The following STEAP1B variants were observed in gnomAD, a reference collection of about 807,000 sequenced individuals.
STEAP1B encodes the protein STEAP family member 1B, also known as STEAP family protein MGC87042.
Under a neutral mutation model 27.9 loss-of-function variants are expected in STEAP1B, and 13 were observed. The ratio of observed to expected loss-of-function variants is 0.47; its 90% CI spans 0.30 to 0.74. The LOEUF is 0.74. Ranked by LOEUF, STEAP1B falls within the 30% of genes least tolerant of loss-of-function variation. STEAP1B has a pLI of 0.06. For missense variants in STEAP1B, 250 were observed against 298.7 expected (o/e 0.84, Z 1.20); for synonymous variants, 86 against 107.1 (o/e 0.80, Z 1.22).
At chr7:22,428,809 A>C (rs112055327) in intron 4 of STEAP1B, among the ~76,000 whole-genome samples, 7,081 of 152,202 alleles carry the variant, frequency 0.047, 250 homozygotes, top group East Asian at 0.18. Context: ...TATATGAAAA[A>C]TAAATAAAAT....
intron 4 of STEAP1B, among the ~76,000 whole-genome samples, chr7:22,468,413 A>G (rs1030095997): frequency 2.0e-5 from 3 of 152,188 alleles, no homozygotes; most frequent in African/African-American, 7.2e-5. Flanking sequence ...ACAAAAATGC[A>G]GAGCCACCGG....
intron 4 of STEAP1B, among the ~76,000 whole-genome samples, chr7:22,490,123 G>A (rs13307003): frequency 2.0e-5 from 3 of 151,658 alleles, no homozygotes; most frequent in Non-Finnish European, 2.9e-5. Flanking sequence ...GATCTTTTTC[G>A]ATTTATCTTT....
chr7:22,449,794 T>G (rs1785459053), intron 4 of STEAP1B, among the ~76,000 whole-genome samples: 1 of 152,230 alleles, frequency 6.6e-6, no homozygotes, highest in South Asian at 2.1e-4. Context: ...TCTCCGTATC[T>G]TTGCCAGCAT....
At chr7:22,424,512 G>A (rs1476193223) in intron 4 of STEAP1B, among the ~76,000 whole-genome samples, 1 of 152,124 alleles carries the variant, frequency 6.6e-6, no homozygotes, top group African/African-American at 2.4e-5. Flanking sequence ...ATACTCATCT[G>A]GGCATGGTGG....
chr7:22,426,931 T>C (rs1180954894), intron 4 of STEAP1B, among the ~76,000 whole-genome samples: 2 of 152,162 alleles, frequency 1.3e-5, no homozygotes, highest in East Asian at 3.9e-4. Flanking sequence ...AAGGAAGGAC[T>C]GCTGGATAAT....
At chr7:22,462,147 G>T (rs1412880647) in intron 4 of STEAP1B, among the ~76,000 whole-genome samples, 1 of 152,044 alleles carries the variant, frequency 6.6e-6, no homozygotes, top group Non-Finnish European at 1.5e-5. Context: ...GTTTTGATGG[G>T]TTTTTACTCT....
At chr7:22,461,741 G>C (rs1785682033) in intron 4 of STEAP1B, among the ~76,000 whole-genome samples, 1 of 152,240 alleles carries the variant, frequency 6.6e-6, no homozygotes, top group Non-Finnish European at 1.5e-5. Flanking sequence ...GCGGTAGTTT[G>C]ATTCTCTTCA....
chr7:22,435,525 C>T (rs1383258627), intron 4 of STEAP1B, among the ~76,000 whole-genome samples: 2 of 152,108 alleles, frequency 1.3e-5, no homozygotes, highest in Non-Finnish European at 2.9e-5. Flanking sequence ...TTTTTCTGAA[C>T]ATTTTCTGTA....
chr7:22,428,883 C>T (rs1785143489), intron 4 of STEAP1B, among the ~76,000 whole-genome samples: 2 of 152,122 alleles, frequency 1.3e-5, no homozygotes, highest in African/African-American at 4.8e-5. Flanking sequence ...TAATTTACCT[C>T]AATTAAAGGT....
chr7:22,427,301 T>C (rs967356484), intron 4 of STEAP1B, among the ~76,000 whole-genome samples: 1 of 152,114 alleles, frequency 6.6e-6, no homozygotes. Context: ...CAAGAGGCAA[T>C]GATTTATGAC....
chr7:22,452,608 G>A (rs1562572122), intron 4 of STEAP1B, among the ~76,000 whole-genome samples: 4 of 152,166 alleles, frequency 2.6e-5, no homozygotes, highest in African/African-American at 9.7e-5. Flanking sequence ...GGATTACAGA[G>A]AAAGGATAAA....
intron 4 of STEAP1B, among the ~76,000 whole-genome samples, chr7:22,454,325 T>C (rs1785535905): frequency 1.3e-5 from 2 of 152,300 alleles, no homozygotes; most frequent in South Asian, 2.1e-4. Context: ...AAAGATCTTA[T>C]TGGAGAGTGC....
intron 1 of STEAP1B, among the ~76,000 whole-genome samples, chr7:22,496,188 G>GA (rs60940096): frequency 0.89 from 135,232 of 151,796 alleles, 60,389 homozygotes; most frequent in African/African-American, 0.96. Context: ...AGTCTAAAAA[G>GA]AAAAAAAATT....
Position 22,419,525 on chromosome 7 carries a change from CTCG to C in STEAP1B, c.*276_*278del. On this transcript the variant is annotated 3_prime_UTR_variant, in exon 5 of 5. Coordinates refer to ENST00000678116, the MANE Select transcript of STEAP1B (RefSeq NM_001382447.1). ...ACACATTTGATTATCATGTCTGATCCTCGTGTCGGGATAGGCTAGGTTAGGCTC... is the reference window on the plus strand; with the variant it reads ...ACACATTTGATTATCATGTCTGATCCTGTCGGGATAGGCTAGGTTAGGCTC... 3.7e-6 allele frequency: 1 copy of C among 273,684 alleles called. No homozygotes were observed. Among genetic ancestry groups the C allele is most frequent in the Middle Eastern group, 1.0e-3 (1 of 972 alleles). 17.0% of individuals were successfully genotyped at this position (273,684 alleles called of 1,614,324 possible). A position where few individuals can be genotyped will look rare whatever the true frequency, so the allele number is the denominator to read the frequency against.
chr7:22,488,781 C>A (rs899397323), intron 4 of STEAP1B, among the ~76,000 whole-genome samples: 3 of 152,192 alleles, frequency 2.0e-5, no homozygotes, highest in Admixed American at 6.5e-5. Context: ...CTGAACCGCA[C>A]AGACCTTGTC....
At chr7:22,466,466 T>A (rs988996131) in intron 4 of STEAP1B, among the ~76,000 whole-genome samples, 1 of 150,676 alleles carries the variant, frequency 6.6e-6, no homozygotes, top group African/African-American at 2.4e-5. Context: ...TATGACCATG[T>A]GATGAGGCAG....
chr7:22,447,811 T>TCAGATACCGCGCGGACAAAGTCGC, intron 4 of STEAP1B, among the ~76,000 whole-genome samples: 1 of 152,330 alleles, frequency 6.6e-6, no homozygotes, highest in East Asian at 1.9e-4. Flanking sequence ...ACCTAGTACT[T>TCAGATACCGCGCGGACAAAGTCGC]CGGCAAACAC....
Position 22,499,101 on chromosome 7 carries a change from T to C in STEAP1B, c.-32+1013A>G, listed in dbSNP as rs1420046434. Among the ~76,000 whole-genome samples the C allele has an allele frequency of 3.9e-5, 6 of 152,236 alleles. No individual in the cohort carries two copies. The East Asian group carries it at 1.2e-3, about 29-fold the overall frequency. Reference sequence around the variant, plus strand: ...AACAGAAAACAACCTAGTGTTAAAATGTTAGGAACCCCAGAATTCGACCCA... The same window carrying C: ...AACAGAAAACAACCTAGTGTTAAAACGTTAGGAACCCCAGAATTCGACCCA... On this transcript the variant is annotated intron_variant, in intron 1 of 4. Coordinates refer to ENST00000678116, the MANE Select transcript of STEAP1B (RefSeq NM_001382447.1).
intron 4 of STEAP1B, among the ~76,000 whole-genome samples, chr7:22,486,224 G>A (rs771433621): frequency 3.9e-5 from 6 of 152,158 alleles, no homozygotes; most frequent in African/African-American, 4.8e-5. Context: ...AGAGAAAGTC[G>A]CTTGCGTTCA....
Sources: allele counts gnomAD v4.1 joint callset (sites outside exome capture counted in the v4.1 genomes callset), GRCh38; gene constraint gnomAD v4.1.1; transcripts MANE v1.5; gene names NCBI Gene and HGNC (gene_info 2026-07-23, HGNC 2026-07-21).